Variants in APOBEC3C observed in about 807,000 individuals in gnomAD.
APOBEC3C encodes the protein apolipoprotein B mRNA editing enzyme catalytic subunit 3C, also known as DNA dC->dU-editing enzyme APOBEC-3C.
Under a neutral mutation model 20.6 loss-of-function variants are expected in APOBEC3C, and 14 were observed. The ratio of observed to expected loss-of-function variants is 0.68; its 90% CI spans 0.45 to 1.06. The LOEUF (loss-of-function observed/expected upper bound fraction) is 1.06, where lower values mean the gene tolerates loss of function less well. Ranked by LOEUF, APOBEC3C falls within the 50% of genes least tolerant of loss-of-function variation. The probability of loss-of-function intolerance (pLI) is 0.00; values close to 1 mark genes in which losing one functional copy is unlikely to be tolerated. For synonymous variants in APOBEC3C, 98 were observed against 88.8 expected (o/e 1.10, Z -0.58); for missense variants, 244 against 241.9 (o/e 1.01, Z -0.06).
rs200673371 is a variant in APOBEC3C, at chr22:39,015,708, G to A, written c.131G>A (p.Arg44His). 78 of 1,613,932 alleles carry A rather than the reference G, an allele frequency of 4.8e-5. No homozygotes were observed. Among genetic ancestry groups the A allele is most frequent in the South Asian group, 2.0e-4 (18 of 91,084 alleles). The change falls in exon 2 of 4, where the codon CGC becomes CAC. Residue 44 changes from arginine to histidine, a missense_variant. Coordinates refer to ENST00000361441, the MANE Select transcript of APOBEC3C (RefSeq NM_014508.3). ...WLCFTVEGIK[R>H]RSVVSWKTGV... is the part of the protein sequence containing the mutation. The stretch of plus-strand genomic sequence containing the variant: ...TGCTTCACCGTGGAAGGTATAAAGC[G>A]CCGCTCAGTTGTCTCCTGGAAGACG...
intron 1 of APOBEC3C, among the ~76,000 whole-genome samples, chr22:39,014,762 G>A (rs369223658): frequency 6.6e-6 from 1 of 152,152 alleles, no homozygotes; most frequent in Non-Finnish European, 1.5e-5. Context: ...TGTTCTCAGC[G>A]CTTTGGTGCA....
At chr22:39,016,124 AGCCTTG>A (rs748029499) in intron 2 of APOBEC3C, among the ~76,000 whole-genome samples, 1 of 151,926 alleles carries the variant, frequency 6.6e-6, no homozygotes, top group Non-Finnish European at 1.5e-5. Flanking sequence ...GTGATCCACC[AGCCTTG>A]GCCTCCCAAA....
rs577924169 is a variant in APOBEC3C, at chr22:39,014,391, C to T, written c.17+12C>T. Reference sequence around the variant, plus strand: ...AATCCACAGATCAGGTACCTCTGCACGCTTTGTCCGCCAGGCCCCTCCTGC... The same window carrying T: ...AATCCACAGATCAGGTACCTCTGCATGCTTTGTCCGCCAGGCCCCTCCTGC... On this transcript the variant is annotated intron_variant, in intron 1 of 3. Coordinates refer to ENST00000361441, the MANE Select transcript of APOBEC3C (RefSeq NM_014508.3). 45 of 1,614,106 alleles carry T rather than the reference C, an allele frequency of 2.8e-5. No homozygotes were observed. The highest frequency in any genetic ancestry group is 1.1e-4 in the East Asian group (5 of 44,880).
At chr22:39,017,529 T>C (rs1451586891) in intron 2 of APOBEC3C, among the ~76,000 whole-genome samples, 1 of 151,780 alleles carries the variant, frequency 6.6e-6, no homozygotes, top group East Asian at 2.0e-4. Context: ...CATCCCAGCT[T>C]ATCAGGAGGC....
rs758050788 is a variant in APOBEC3C, at chr22:39,019,568, C to G, written c.*1181C>G. ...GAATGAGATTCTCCATAAAAATGAC[C>G]CTTTCATGCTGTGGCCTCCATAGAA... On this transcript the variant is annotated 3_prime_UTR_variant, in exon 4 of 4. Transcript: ENST00000361441. 4 of 152,052 alleles carry G rather than the reference C, an allele frequency of 2.6e-5. No homozygotes were observed. Among genetic ancestry groups the G allele is most frequent in the African/African-American group, 2.4e-5 (1 of 41,390 alleles). The allele number at this position is 152,052 out of a possible 1,614,324, so 9.4% of individuals were successfully genotyped here.
intron 3 of APOBEC3C, 70 bp downstream of exon 3, chr22:39,018,115 C>T: frequency 6.3e-7 from 1 of 1,588,440 alleles, no homozygotes; most frequent in Non-Finnish European, 8.6e-7. Flanking sequence ...TTCTCCAATG[C>T]TGTGGGGCGG....
chr22:39,016,778 G>C (rs1924800640), intron 2 of APOBEC3C, among the ~76,000 whole-genome samples: 1 of 152,294 alleles, frequency 6.6e-6, no homozygotes, highest in East Asian at 1.9e-4. Context: ...CCCCGCCACT[G>C]CCCTGATTCC....
intron 1 of APOBEC3C, 106 bp downstream of exon 1, chr22:39,014,485 C>T: frequency 7.4e-7 from 1 of 1,345,104 alleles, no homozygotes; most frequent in Non-Finnish European, 1.0e-6. Context: ...CACCTCTGGG[C>T]TCCCTCCCCC....
rs551447246 is a variant in APOBEC3C, at chr22:39,014,288, G to T, written c.-75G>T. The T allele has an allele frequency of 1.9e-6, 3 of 1,593,620 alleles. No individual in the cohort carries two copies. The highest frequency in any genetic ancestry group is 1.1e-5 in the South Asian group (1 of 90,630). ...AAGAGGGCTGCTCAACTGCAAGGAC[G>T]CTGTAAGCAGGAAGAGAAGCCACAG... is the stretch of plus-strand genomic sequence containing the variant. On this transcript the variant is annotated 5_prime_UTR_variant, in exon 1 of 4. Coordinates refer to ENST00000361441, the MANE Select transcript of APOBEC3C (RefSeq NM_014508.3).
At chr22:39,016,633 TC>T (rs1462263619) in intron 2 of APOBEC3C, among the ~76,000 whole-genome samples, 2 of 152,164 alleles carry the variant, frequency 1.3e-5, no homozygotes, top group African/African-American at 4.8e-5. Flanking sequence ...GCACCCTCAC[TC>T]TTGACTTTGT....
At chr22:39,018,105 T>C (rs1924866550) in intron 3 of APOBEC3C, 60 bp downstream of exon 3, 9 of 1,595,918 alleles carry the variant, frequency 5.6e-6, no homozygotes, top group Non-Finnish European at 7.7e-6. Flanking sequence ...GGGCAGATGG[T>C]TCTCCAATGC....
chr22:39,015,646 C>T lies in APOBEC3C; in HGVS notation c.69C>T (p.Asn23=), dbSNP rs1924752282. Residue 23 remains asparagine (N), a synonymous_variant, in exon 2 of 4, where the codon AAC becomes AAT. Transcript: ENST00000361441. ...YPGTFYFQFK[N]LWEANDRNET... The stretch of plus-strand genomic sequence containing the variant: ...GCACATTCTACTTCCAATTTAAAAA[C>T]CTATGGGAAGCCAACGATCGGAACG... 6.2e-7 allele frequency: 1 copy of T among 1,614,010 alleles called. No homozygotes were observed. Among genetic ancestry groups the T allele is most frequent in the African/African-American group, 1.3e-5 (1 of 74,898 alleles).
rs768151983 is a variant in APOBEC3C, at chr22:39,014,392, G to A, written c.17+13G>A. 1.1e-5 allele frequency: 18 copies of A among 1,613,954 alleles called. No individual in the cohort carries two copies. Among genetic ancestry groups the A allele is most frequent in the Admixed American group, 1.0e-4 (6 of 60,008 alleles). On this transcript the variant is annotated intron_variant, in intron 1 of 3. Coordinates refer to ENST00000361441, the MANE Select transcript of APOBEC3C (RefSeq NM_014508.3). ...ATCCACAGATCAGGTACCTCTGCAC[G>A]CTTTGTCCGCCAGGCCCCTCCTGCC...
intron 1 of APOBEC3C, among the ~76,000 whole-genome samples, chr22:39,015,226 G>C (rs957443232): frequency 6.6e-6 from 1 of 151,896 alleles, no homozygotes; most frequent in African/African-American, 2.4e-5. Flanking sequence ...TTGAACCCGA[G>C]GGGTGGAGGT....
At chr22:39,016,580 G>A (rs751929675) in intron 2 of APOBEC3C, among the ~76,000 whole-genome samples, 11 of 151,980 alleles carry the variant, frequency 7.2e-5, no homozygotes, top group Non-Finnish European at 1.5e-4. Context: ...ATCAGATCGT[G>A]GAGGGGGTTT....
At chr22:39,017,392 C>T (rs1317774929) in intron 2 of APOBEC3C, among the ~76,000 whole-genome samples, 1 of 152,058 alleles carries the variant, frequency 6.6e-6, no homozygotes, top group Non-Finnish European at 1.5e-5. Context: ...AGTCCCAGAG[C>T]TTTGGGAGGG....
At position 39,018,519 on chromosome 22, in the gene APOBEC3C, AC is replaced by A; in HGVS notation, c.*133del. The A allele has an allele frequency of 9.3e-7, 1 of 1,079,116 alleles. No individual in the cohort carries two copies. The highest frequency in any genetic ancestry group is 1.5e-5 in the South Asian group (1 of 65,778). 66.8% of individuals were successfully genotyped at this position (1,079,116 alleles called of 1,614,324 possible). ...CCCCTCCTGGCCTCAGGGCCATTCCACAGTGCTCCCCTGCCTCACCGCTTCC... is the reference window on the plus strand; with the variant it reads ...CCCCTCCTGGCCTCAGGGCCATTCCAAGTGCTCCCCTGCCTCACCGCTTCC... On this transcript the variant is annotated 3_prime_UTR_variant, in exon 4 of 4. Coordinates refer to ENST00000361441, the MANE Select transcript of APOBEC3C (RefSeq NM_014508.3).
chr22:39,015,051 A>C (rs776056095), intron 1 of APOBEC3C, among the ~76,000 whole-genome samples: 24 of 152,074 alleles, frequency 1.6e-4, no homozygotes, highest in Non-Finnish European at 3.4e-4. Flanking sequence ...TAATCCTAGC[A>C]CTTTGGGAGG....
In APOBEC3C at chr22:39,018,688, A is replaced by C; in HGVS notation, c.*301A>C. On this transcript the variant is annotated 3_prime_UTR_variant, in exon 4 of 4. Transcript: ENST00000361441. ...CCCCAGCATAACCAAATCTTACTAA[A>C]CTCATCCTAGGCTGGGCATGGTGAC... 2 of 239,948 alleles carry C rather than the reference A, an allele frequency of 8.3e-6. No individual in the cohort carries two copies. Among genetic ancestry groups the C allele is most frequent in the African/African-American group, 2.3e-5 (1 of 44,070 alleles). The allele number at this position is 239,948 out of a possible 1,614,324, so 14.9% of individuals were successfully genotyped here.
Sources: allele counts gnomAD v4.1 joint callset (sites outside exome capture counted in the v4.1 genomes callset), GRCh38; gene constraint gnomAD v4.1.1; transcripts MANE v1.5; gene names NCBI Gene and HGNC (gene_info 2026-07-23, HGNC 2026-07-21).